NPSR1: variants seen among roughly 807,000 people sequenced by gnomAD.
The protein encoded by NPSR1 is neuropeptide S receptor 1.
Under a neutral mutation model 46.9 loss-of-function variants are expected in NPSR1, and 48 were observed. The ratio of observed to expected loss-of-function variants is 1.02; its 90% CI spans 0.81 to 1.30. The LOEUF is 1.30. Among genes scored for constraint, NPSR1 ranks in the 50% most tolerant of loss-of-function variants. NPSR1 has a pLI of 0.00. For missense variants in NPSR1, 450 were observed against 449.5 expected, an observed-to-expected ratio of 1.00 and a Z score of -0.01; for synonymous variants, 176 against 168.1, an observed-to-expected ratio of 1.05 and a Z score of -0.36.
At chr7:34,692,051 A>G (rs1366670825) in intron 2 of NPSR1, among the ~76,000 whole-genome samples, 2 of 152,184 alleles carry the variant, frequency 1.3e-5, no homozygotes, top group African/African-American at 4.8e-5. Context: ...GGATTGTGTG[A>G]GTGCAGGAGT....
In NPSR1 at chr7:34,667,509, A is replaced by G. The variant is rs946284981; in HGVS notation, c.147+8950A>G. ...GCTTCTTCACCCTCCTGGCCTCTCC[A>G]CTTTCCCCGCCTTTCCACTTACTCA... On this transcript the variant is annotated intron_variant, in intron 1 of 8. Coordinates refer to ENST00000360581, the MANE Select transcript of NPSR1 (RefSeq NM_207172.2). Among the ~76,000 whole-genome samples, 30 of 152,164 alleles carry G rather than the reference A, an allele frequency of 2.0e-4. 1 individual carries two copies. Among genetic ancestry groups the G allele is most frequent in the African/African-American group, 3.4e-4 (14 of 41,524 alleles).
Position 34,870,814 on chromosome 7 carries a change from A to T in NPSR1, c.1026-7262A>T, listed in dbSNP as rs186216222. Among the ~76,000 whole-genome samples, 78 of 151,818 alleles carry T rather than the reference A, an allele frequency of 5.1e-4. 1 individual carries two copies. The highest frequency in any genetic ancestry group is 2.9e-4 in the Non-Finnish European group (20 of 68,020). On this transcript the variant is annotated intron_variant, in intron 8 of 8. Transcript: ENST00000359791. Reference sequence around the variant, plus strand: ...GGCTTTAAATTCGTCTCATCTAGACATGAAAAAACAGGGTGGCCTAATTTG... The same window carrying T: ...GGCTTTAAATTCGTCTCATCTAGACTTGAAAAAACAGGGTGGCCTAATTTG...
chr7:34,726,651 A>G (rs986436862), intron 2 of NPSR1, among the ~76,000 whole-genome samples: 2 of 152,220 alleles, frequency 1.3e-5, no homozygotes, highest in Non-Finnish European at 2.9e-5. Flanking sequence ...ACTATAGTAC[A>G]TCCAGACAAT....
chr7:34,772,703 C>G (rs1195645210), intron 2 of NPSR1, among the ~76,000 whole-genome samples: 2 of 152,166 alleles, frequency 1.3e-5, no homozygotes, highest in Non-Finnish European at 2.9e-5. Flanking sequence ...CATAAATAAT[C>G]TGAACAACCC....
chr7:34,762,556 G>A (rs1368788397), intron 2 of NPSR1, among the ~76,000 whole-genome samples: 1 of 152,142 alleles, frequency 6.6e-6, no homozygotes, highest in African/African-American at 2.4e-5. Context: ...AAAAAGAAAA[G>A]TAGAAGAGGG....
At chr7:34,844,145 A>G (rs985684721) in intron 6 of NPSR1, among the ~76,000 whole-genome samples, 1 of 152,252 alleles carries the variant, frequency 6.6e-6, no homozygotes, top group African/African-American at 2.4e-5. Flanking sequence ...ACTTTAACTA[A>G]GACCTATTGC....
At chr7:34,689,671 G>A (rs1359046264) in intron 2 of NPSR1, among the ~76,000 whole-genome samples, 1 of 148,652 alleles carries the variant, frequency 6.7e-6, no homozygotes, top group African/African-American at 2.5e-5. Flanking sequence ...GGCAGGGCAT[G>A]GTGGTTTATG....
intron 2 of NPSR1, among the ~76,000 whole-genome samples, chr7:34,777,267 T>C (rs1304876109): frequency 2.0e-5 from 3 of 152,082 alleles, no homozygotes; most frequent in Non-Finnish European, 4.4e-5. Context: ...CCAGGATTGG[T>C]GATTTCCTTT....
intron 1 of NPSR1, among the ~76,000 whole-genome samples, chr7:34,677,161 T>C (rs888530678): frequency 6.6e-6 from 1 of 152,200 alleles, no homozygotes; most frequent in Non-Finnish European, 1.5e-5. Flanking sequence ...GGGACTACTT[T>C]GAAAAGACTG....
chr7:34,684,541 G>A lies in NPSR1; in HGVS notation c.148-11G>A, dbSNP rs746945376. ...TGGTACACTGGTTTTATTTTTCTCT[G>A]TTTCTTGCAGACTGAGCAATTGATA... On this transcript the variant is annotated splice_polypyrimidine_tract_variant and intron_variant, in intron 1 of 8. Transcript: ENST00000360581. 2 of 1,611,412 alleles carry A rather than the reference G, an allele frequency of 1.2e-6. No homozygotes were observed. The highest frequency in any genetic ancestry group is 2.2e-5 in the East Asian group (1 of 44,724).
intron 2 of NPSR1, among the ~76,000 whole-genome samples, chr7:34,701,308 G>T (rs2128695948): frequency 6.6e-6 from 1 of 152,244 alleles, no homozygotes; most frequent in Middle Eastern, 3.4e-3. Flanking sequence ...AATCAGCAAA[G>T]ATACACTTTT....
intron 6 of NPSR1, among the ~76,000 whole-genome samples, chr7:34,836,403 A>G (rs1790372788): frequency 6.6e-6 from 1 of 152,206 alleles, no homozygotes; most frequent in Non-Finnish European, 1.5e-5. Context: ...CAGAAATGCC[A>G]AAGGAAACCT....
chr7:34,723,003 C>T (rs1441653684), intron 2 of NPSR1, among the ~76,000 whole-genome samples: 1 of 152,164 alleles, frequency 6.6e-6, no homozygotes, highest in Non-Finnish European at 1.5e-5. Context: ...AGCCAAATTG[C>T]AAACAGAGTC....
chr7:34,818,589 A>G (rs1404551427), intron 4 of NPSR1, among the ~76,000 whole-genome samples: 1 of 152,242 alleles, frequency 6.6e-6, no homozygotes, highest in Non-Finnish European at 1.5e-5. Flanking sequence ...ATATGGAGCC[A>G]TAAAAGAGCC....
At chr7:34,709,952 T>C (rs1783190875) in intron 2 of NPSR1, among the ~76,000 whole-genome samples, 1 of 152,238 alleles carries the variant, frequency 6.6e-6, no homozygotes, top group Non-Finnish European at 1.5e-5. Flanking sequence ...CAGCACCTTC[T>C]GGGCTAGTTC....
In NPSR1 at chr7:34,771,298, C is replaced by G. The variant is rs35000530; in HGVS notation, c.281-7164C>G. 9.1e-4 allele frequency among the ~76,000 whole-genome samples: 138 copies of G among 152,150 alleles called. 1 individual carries two copies. Among genetic ancestry groups the G allele is most frequent in the African/African-American group, 3.3e-3 (136 of 41,498 alleles). On this transcript the variant is annotated intron_variant, in intron 2 of 8. Coordinates refer to ENST00000360581, the MANE Select transcript of NPSR1 (RefSeq NM_207172.2). ...AAAATTTTTAAAAAGTAAAAGTTAG[C>G]TAGGTGTGGTGTCACGTACTGTTCC...
chr7:34,789,704 A>T (rs1412212187), intron 3 of NPSR1, among the ~76,000 whole-genome samples: 2 of 140,802 alleles, frequency 1.4e-5, no homozygotes, highest in Non-Finnish European at 1.5e-5. Flanking sequence ...GAGGCAAGAG[A>T]ATTGCTTGAA....
At chr7:34,696,431 C>A (rs1177918247) in intron 2 of NPSR1, among the ~76,000 whole-genome samples, 1 of 151,996 alleles carries the variant, frequency 6.6e-6, no homozygotes, top group Non-Finnish European at 1.5e-5. Context: ...TTACAATACA[C>A]CTGTGTATTA....
intron 2 of NPSR1, among the ~76,000 whole-genome samples, chr7:34,704,875 A>G (rs1583845920): frequency 6.6e-6 from 1 of 152,270 alleles, no homozygotes; most frequent in South Asian, 2.1e-4. Flanking sequence ...GTTATGAACC[A>G]AGTTCTGGGT....
Sources: allele counts gnomAD v4.1 joint callset (sites outside exome capture counted in the v4.1 genomes callset), GRCh38; gene constraint gnomAD v4.1.1; transcripts MANE v1.5; gene names NCBI Gene and HGNC (gene_info 2026-07-23, HGNC 2026-07-21).